Variants in ZNF723 observed in about 807,000 individuals in gnomAD.
ZNF723 encodes the protein zinc finger protein 723, pseudogene.
ZNF723 carries 5 observed loss-of-function variants against 9.4 expected under a neutral mutation model. The observed-to-expected ratio is 0.53, with a 90% CI of 0.28 to 1.12. ZNF723 has a LOEUF of 1.12. ZNF723 is among the 50% of genes most tolerant of loss of function. The pLI is 0.10. For synonymous variants in ZNF723, 158 were observed against 168.8 expected, an observed-to-expected ratio of 0.94 and a Z score of 0.49; for missense variants, 450 against 501.5, an observed-to-expected ratio of 0.90 and a Z score of 0.98.
chr19:22,832,888 A>G (rs575689426), intron 1 of ZNF723, among the ~76,000 whole-genome samples: 2 of 152,354 alleles, frequency 1.3e-5, no homozygotes, highest in Non-Finnish European at 2.9e-5. Context: ...AAAGACTTTT[A>G]TAAGATGCAT....
At chr19:22,855,746 C>T (rs1460635234) in intron 3 of ZNF723, among the ~76,000 whole-genome samples, 1 of 152,046 alleles carries the variant, frequency 6.6e-6, no homozygotes, top group Non-Finnish European at 1.5e-5. Flanking sequence ...TTCTGGCCTC[C>T]AAAATTTTTG....
intron 1 of ZNF723, among the ~76,000 whole-genome samples, chr19:22,839,132 T>A (rs1967206618): frequency 6.6e-6 from 1 of 152,198 alleles, no homozygotes; most frequent in Non-Finnish European, 1.5e-5. Flanking sequence ...CCTCTTAAAT[T>A]GCTGTGATTA....
At chr19:22,829,831 A>G (rs1350441043), upstream of ZNF723, among the ~76,000 whole-genome samples, 1 of 152,182 alleles carries the variant, frequency 6.6e-6, no homozygotes, top group Non-Finnish European at 1.5e-5. Context: ...AAGAATGTCA[A>G]CTGTTCAAAT....
At chr19:22,812,954 T>TTTTGTTTGTTTGTTTG in the ZNF723 span, among the ~76,000 whole-genome samples, 151 of 151,304 alleles carry the variant, frequency 1.0e-3, 1 homozygote, top group Non-Finnish European at 8.3e-4. Flanking sequence ...AAGGTGTTTT[T>TTTTGTTTGTTTGTTTG]TTTGTTTGTT....
intron 3 of ZNF723, among the ~76,000 whole-genome samples, chr19:22,855,506 G>C (rs1003249741): frequency 6.6e-6 from 1 of 152,066 alleles, no homozygotes; most frequent in African/African-American, 2.4e-5. Flanking sequence ...TGGTACTACA[G>C]GTGTGAGTCA....
At chr19:22,844,847 C>T (rs1400546762) in intron 1 of ZNF723, among the ~76,000 whole-genome samples, 2 of 152,236 alleles carry the variant, frequency 1.3e-5, no homozygotes, top group East Asian at 1.9e-4. Context: ...TCATGGCCGG[C>T]GTGGTGGCTC....
chr19:22,850,891 G>A (rs939416833), intron 3 of ZNF723, among the ~76,000 whole-genome samples: 3 of 151,960 alleles, frequency 2.0e-5, no homozygotes. Context: ...ATGTGATCAT[G>A]TTGAAAAATG....
At chr19:22,840,207 C>T (rs992202509) in intron 1 of ZNF723, among the ~76,000 whole-genome samples, 5 of 151,684 alleles carry the variant, frequency 3.3e-5, no homozygotes, top group African/African-American at 1.2e-4. Flanking sequence ...GAGTTTCGCT[C>T]ATTGCCCAGG....
chr19:22,831,330 GCGGAT>G (rs774689597), upstream of ZNF723, among the ~76,000 whole-genome samples: 1 of 152,102 alleles, frequency 6.6e-6, no homozygotes, highest in Non-Finnish European at 1.5e-5. Flanking sequence ...GCCGAGGCGG[GCGGAT>G]CACCTGAGGT....
the ZNF723 span, among the ~76,000 whole-genome samples, chr19:22,824,696 T>G: frequency 0.014 from 2,076 of 149,604 alleles, 47 homozygotes; most frequent in African/African-American, 0.048. Context: ...AGCCAATAGT[T>G]AGAATTTTTA....
At chr19:22,812,432 G>A in the ZNF723 span, among the ~76,000 whole-genome samples, 11 of 152,208 alleles carry the variant, frequency 7.2e-5, no homozygotes, top group African/African-American at 2.4e-4. Flanking sequence ...TTGGCATGGT[G>A]ATTTTCAACC....
the ZNF723 span, among the ~76,000 whole-genome samples, chr19:22,822,663 C>T: frequency 6.6e-6 from 1 of 152,122 alleles, no homozygotes; most frequent in Non-Finnish European, 1.5e-5. Flanking sequence ...GAGATCAAGA[C>T]CATCCTGGCT....
chr19:22,815,058 ATT>A, the ZNF723 span, among the ~76,000 whole-genome samples: 15 of 151,838 alleles, frequency 9.9e-5, no homozygotes, highest in African/African-American at 3.6e-4. Context: ...ATATCTGTTC[ATT>A]TATCACCTAG....
At chr19:22,836,381 A>T (rs1223125768) in intron 1 of ZNF723, among the ~76,000 whole-genome samples, 1 of 151,002 alleles carries the variant, frequency 6.6e-6, no homozygotes, top group Non-Finnish European at 1.5e-5. Context: ...AGATTTATGT[A>T]AAAAAAAATT....
upstream of ZNF723, chr19:22,832,254 T>C (rs2145202776): frequency 9.6e-7 from 1 of 1,045,902 alleles, no homozygotes; most frequent in African/African-American, 1.6e-5. Flanking sequence ...GACCCGCAGC[T>C]AGAGCGGACA....
rs34135725 is a variant in ZNF723, at chr19:22,858,519, G to T, written c.*86G>T. The T allele has an allele frequency of 0.032, 18,618 of 579,354 alleles. 374 individuals are homozygous for T. The highest frequency in any genetic ancestry group is 0.066 in the East Asian group (2,334 of 35,628). The allele number at this position is 579,354 out of a possible 1,614,324, so 35.9% of individuals were successfully genotyped here. A position where few individuals can be genotyped will look rare whatever the true frequency, so the allele number is the denominator to read the frequency against. ...ACAGTAGCTTACGCCTGTAATCCCAGCACTTTGGGAGGCCGAGGCGGGCAG... is the reference window on the plus strand; with the variant it reads ...ACAGTAGCTTACGCCTGTAATCCCATCACTTTGGGAGGCCGAGGCGGGCAG... On this transcript the variant is annotated 3_prime_UTR_variant, in exon 4 of 4. Coordinates refer to ENST00000600766, the MANE Select transcript of ZNF723 (RefSeq NM_001349726.2).
chr19:22,829,459 T>A (rs1967070721), upstream of ZNF723, among the ~76,000 whole-genome samples: 1 of 152,054 alleles, frequency 6.6e-6, no homozygotes, highest in Non-Finnish European at 1.5e-5. Flanking sequence ...CTAATTTTTG[T>A]ATTTTTGTAG....
At chr19:22,824,770 G>T in the ZNF723 span, among the ~76,000 whole-genome samples, 1 of 152,166 alleles carries the variant, frequency 6.6e-6, no homozygotes, top group African/African-American at 2.4e-5. Context: ...GCTGTTCACA[G>T]TTGGAATTGT....
rs530319845 is a variant in ZNF723 at position 22,857,571 on chromosome 19, A to G, written c.680A>G (p.Lys227Arg). The G allele has an allele frequency of 1.5e-5, 20 of 1,344,494 alleles. No individual in the cohort carries two copies. The highest frequency in any genetic ancestry group is 2.0e-5 in the Non-Finnish European group (19 of 935,246). 83.3% of individuals were successfully genotyped at this position (1,344,494 alleles called of 1,614,324 possible). A position where few individuals can be genotyped will look rare whatever the true frequency, so the allele number is the denominator to read the frequency against. The stretch of plus-strand genomic sequence containing the variant: ...CATAAGAGAATTCATACTGGAGAGA[A>G]ACCCTACAAATGTGAAGAATGTGGC... ...NNHKRIHTGE[K>R]PYKCEECGKA... Residue 227 changes from lysine (K) to arginine (R), a missense_variant, in exon 4 of 4, where the codon AAA becomes AGA. Lys to Arg is a conservative substitution (Grantham distance 26, BLOSUM62 2). Transcript: ENST00000600766.
Sources: gnomAD v4.1 joint callset for allele counts (sites outside exome capture counted in the v4.1 genomes callset) on GRCh38, gnomAD v4.1.1 for gene constraint, MANE v1.5 for transcripts, NCBI Gene and HGNC (gene_info 2026-07-23, HGNC 2026-07-21) for gene names.